Variants in CWC27 observed in about 807,000 individuals in gnomAD.
CWC27 encodes the protein spliceosome-associated protein CWC27 homolog.
In CWC27, 47 loss-of-function variants were observed where a neutral mutation model predicts 63.6. The observed-to-expected ratio is 0.74, with a 90% CI of 0.58 to 0.94. The LOEUF is 0.94. CWC27 is among the 40% of genes least tolerant of loss of function. The pLI is 0.00. For missense variants in CWC27, 495 were observed against 554.3 expected, an observed-to-expected ratio of 0.89 and a Z score of 1.07; for synonymous variants, 175 against 179.8, an observed-to-expected ratio of 0.97 and a Z score of 0.22.
chr5:64,910,540 A>G lies in CWC27; in HGVS notation c.1042+24994A>G, dbSNP rs190426582. ...AGTTTCTGCTGCCTTTAGTTCATCT[A>G]TGCCCTGCCCCCAGAGGTGGAGTCT... On this transcript the variant is annotated intron_variant, in intron 11 of 13. Coordinates refer to ENST00000381070, the MANE Select transcript of CWC27 (RefSeq NM_005869.4). Among the ~76,000 whole-genome samples the G allele has an allele frequency of 3.8e-3, 583 of 152,360 alleles. 2 individuals are homozygous for G. The highest frequency in any genetic ancestry group is 0.013 in the African/African-American group (549 of 41,590).
intron 13 of CWC27, among the ~76,000 whole-genome samples, chr5:64,977,794 A>G (rs1452750508): frequency 6.6e-6 from 1 of 152,038 alleles, no homozygotes; most frequent in Non-Finnish European, 1.5e-5. Flanking sequence ...CTTTGCTTAG[A>G]ACTTTATCCT....
At chr5:64,807,687 C>T (rs1249802612) in intron 10 of CWC27, 1 of 1,535,816 alleles carries the variant, frequency 6.5e-7, no homozygotes. Flanking sequence ...TTATGGATTT[C>T]TAGATTCCAG....
intron 11 of CWC27, among the ~76,000 whole-genome samples, chr5:64,950,577 A>G (rs1390175880): frequency 6.6e-6 from 1 of 151,994 alleles, no homozygotes; most frequent in African/African-American, 2.4e-5. Flanking sequence ...TTATTTTGCT[A>G]TTTTACATTA....
At position 64,786,509 on chromosome 5, in the gene CWC27, T is replaced by C; in HGVS notation, c.496-15T>C. 1 of 1,461,280 alleles carries C rather than the reference T, an allele frequency of 6.8e-7. No homozygotes were observed. Among genetic ancestry groups the C allele is most frequent in the South Asian group, 1.3e-5 (1 of 75,826 alleles). 90.5% of individuals were successfully genotyped at this position (1,461,280 alleles called of 1,614,324 possible). A position where few individuals can be genotyped will look rare whatever the true frequency, so the allele number is the denominator to read the frequency against. ...TAAAAATGGAATAATGTTTTCGAAA[T>C]ATTTTTTTTCATAGGTTTTGTTTAA... On this transcript the variant is annotated splice_polypyrimidine_tract_variant and intron_variant, in intron 5 of 13. Transcript: ENST00000381070.
At chr5:64,898,833 T>C (rs1747439388) in intron 11 of CWC27, among the ~76,000 whole-genome samples, 1 of 152,146 alleles carries the variant, frequency 6.6e-6, no homozygotes, top group Non-Finnish European at 1.5e-5. Context: ...TCTGAGGTGT[T>C]ATCATTGTCT....
chr5:64,818,531 T>G (rs2112241566), intron 10 of CWC27, among the ~76,000 whole-genome samples: 1 of 152,316 alleles, frequency 6.6e-6, no homozygotes. Flanking sequence ...AGCCTTTGGC[T>G]TGGCTCCAAA....
intron 10 of CWC27, among the ~76,000 whole-genome samples, chr5:64,878,295 G>C (rs749664097): frequency 1.3e-5 from 2 of 151,596 alleles, no homozygotes; most frequent in Admixed American, 1.3e-4. Flanking sequence ...ACTGGCATTA[G>C]AGTAGATATC....
At chr5:64,849,735 G>T (rs999257444) in intron 10 of CWC27, among the ~76,000 whole-genome samples, 13 of 152,072 alleles carry the variant, frequency 8.5e-5, no homozygotes, top group Admixed American at 3.9e-4. Flanking sequence ...GGGAGGTTTT[G>T]CCCATGCTGT....
At chr5:64,815,205 G>A (rs540208803) in intron 10 of CWC27, among the ~76,000 whole-genome samples, 6 of 152,146 alleles carry the variant, frequency 3.9e-5, no homozygotes, top group South Asian at 2.1e-4. Flanking sequence ...AGCTATATTA[G>A]GTTATGCACC....
intron 10 of CWC27, chr5:64,807,998 A>AC (rs1744748248): frequency 7.2e-7 from 1 of 1,390,002 alleles, no homozygotes; most frequent in East Asian, 2.7e-5. Flanking sequence ...TCGACTGGCT[A>AC]CTTTCCATTT....
Position 65,018,420 on chromosome 5 carries a change from A to C in CWC27, c.*99A>C, listed in dbSNP as rs1750089421. The C allele has an allele frequency of 9.7e-7, 1 of 1,032,712 alleles. No individual in the cohort carries two copies. Among genetic ancestry groups the C allele is most frequent in the South Asian group, 2.2e-5 (1 of 45,568 alleles). 64.0% of individuals were successfully genotyped at this position (1,032,712 alleles called of 1,614,324 possible). A position where few individuals can be genotyped will look rare whatever the true frequency, so the allele number is the denominator to read the frequency against. On this transcript the variant is annotated 3_prime_UTR_variant, in exon 14 of 14. Transcript: ENST00000381070. ...AGCATCACTTAGGGGTGTGAAAAGA[A>C]GTATTTTTGAACCTGTTGTCTGGTT...
intron 13 of CWC27, among the ~76,000 whole-genome samples, chr5:64,981,806 TAAAACTATAC>T (rs1749335124): frequency 6.6e-6 from 1 of 152,246 alleles, no homozygotes; most frequent in African/African-American, 2.4e-5. Context: ...CTGTTTTTCA[TAAAACTATAC>T]AAGTTTCAAC....
intron 10 of CWC27, among the ~76,000 whole-genome samples, chr5:64,823,590 T>C (rs1745274101): frequency 1.3e-5 from 2 of 152,198 alleles, no homozygotes; most frequent in African/African-American, 4.8e-5. Flanking sequence ...TCAGATGCAA[T>C]TACTGCCTAA....
chr5:64,977,792 A>G (rs1348097687), intron 13 of CWC27, among the ~76,000 whole-genome samples: 1 of 152,132 alleles, frequency 6.6e-6, no homozygotes, highest in Non-Finnish European at 1.5e-5. Context: ...TCCTTTGCTT[A>G]GAACTTTATC....
chr5:65,008,088 A>G (rs530660551), intron 13 of CWC27, among the ~76,000 whole-genome samples: 1 of 152,372 alleles, frequency 6.6e-6, no homozygotes, highest in Non-Finnish European at 1.5e-5. Context: ...TGAATTTTGC[A>G]GGAACACAAT....
At position 64,888,398 on chromosome 5, in the gene CWC27, CAT is replaced by C. The variant is rs749611286; in HGVS notation, c.1042+2857_1042+2858del. On this transcript the variant is annotated intron_variant, in intron 11 of 13. Transcript: ENST00000381070. ...TGTTTATATATAAATATATAAATAA[CAT>C]ATATTATTTATTATTATAACTTTAT... 2.3e-3 allele frequency among the ~76,000 whole-genome samples: 329 copies of C among 142,804 alleles called. 4 individuals carry two copies. The highest frequency in any genetic ancestry group is 1.2e-3 in the Non-Finnish European group (78 of 66,114). The allele number at this position is 142,804 out of a possible 152,430, so 93.7% of individuals were successfully genotyped here. A position where few individuals can be genotyped will look rare whatever the true frequency, so the allele number is the denominator to read the frequency against.
intron 11 of CWC27, among the ~76,000 whole-genome samples, chr5:64,963,836 A>C (rs1748964954): frequency 6.6e-6 from 1 of 152,236 alleles, no homozygotes; most frequent in Non-Finnish European, 1.5e-5. Flanking sequence ...TAAGTCAGGT[A>C]ATTAAAAATC....
intron 3 of CWC27, among the ~76,000 whole-genome samples, chr5:64,783,081 TATG>T (rs1190881926): frequency 6.6e-6 from 1 of 152,232 alleles, no homozygotes; most frequent in Non-Finnish European, 1.5e-5. Flanking sequence ...TATACAGAGT[TATG>T]ATCCATTGAG....
chr5:64,782,177 G>C (rs1743720622), intron 3 of CWC27, 144 bp downstream of exon 3: 1 of 467,122 alleles, frequency 2.1e-6, no homozygotes, highest in African/African-American at 2.0e-5. Context: ...GCTGGGTGCA[G>C]TAGCTCATGC....
Sources: gnomAD v4.1 joint callset for allele counts (sites outside exome capture counted in the v4.1 genomes callset) on GRCh38, gnomAD v4.1.1 for gene constraint, MANE v1.5 for transcripts, NCBI Gene and HGNC (gene_info 2026-07-23, HGNC 2026-07-21) for gene names.